The following SNX4 variants were observed in gnomAD, a reference collection of about 807,000 sequenced individuals.
SNX4 encodes the protein sorting nexin 4, also known as sorting nexin-4.
A neutral mutation model predicts 70.8 loss-of-function variants in SNX4; 49 were observed. The observed-to-expected ratio is 0.69, with a 90% CI of 0.55 to 0.88. SNX4 has a LOEUF of 0.88. SNX4 is among the 40% of genes least tolerant of loss of function. The pLI is 0.00. For synonymous variants in SNX4, 206 were observed against 183.8 expected, an observed-to-expected ratio of 1.12 and a Z score of -0.98; for missense variants, 528 against 544.8, an observed-to-expected ratio of 0.97 and a Z score of 0.31.
chr3:125,497,897 G>C lies in SNX4; in HGVS notation c.486C>G (p.Leu162=), dbSNP rs747260288. The change falls in exon 4 of 14, where the codon CTC becomes CTG. Residue 162 remains leucine, a synonymous_variant. Transcript: ENST00000251775. ...GGATGGGATGTGAAGCAATCCTCAAGAGAAAGTTTTCTAAACCAATCCGTC... is the reference window on the plus strand; with the variant it reads ...GGATGGGATGTGAAGCAATCCTCAACAGAAAGTTTTCTAAACCAATCCGTC... The part of the protein sequence containing the change: ...ERRRIGLENF[L]LRIASHPILC... 5.6e-6 allele frequency: 9 copies of C among 1,614,020 alleles called. No individual in the cohort carries two copies. In the East Asian group the frequency reaches 8.9e-5, roughly 16 times the overall value.
chr3:125,515,249 G>T (rs1197692864), intron 1 of SNX4, among the ~76,000 whole-genome samples: 7 of 152,040 alleles, frequency 4.6e-5, no homozygotes, highest in Non-Finnish European at 8.8e-5. Flanking sequence ...CTACTCAGGA[G>T]GCTTGGGCAG....
chr3:125,463,461 G>C (rs1933932130), intron 9 of SNX4, among the ~76,000 whole-genome samples: 1 of 152,086 alleles, frequency 6.6e-6, no homozygotes, highest in Non-Finnish European at 1.5e-5. Context: ...TCAGTACTCA[G>C]AATTTTATTT....
intron 1 of SNX4, 69 bp downstream of exon 1, chr3:125,519,963 A>AGCCCAGCCCAGCCCAGCCCAGCCCC: frequency 1.5e-6 from 1 of 671,488 alleles, no homozygotes; most frequent in Non-Finnish European, 2.1e-6. Context: ...AGCCCAGCCC[A>AGCCCAGCCCAGCCCAGCCCAGCCCC]GCCCAGCCCA....
chr3:125,499,762 T>TAA (rs372624115), intron 2 of SNX4, among the ~76,000 whole-genome samples: 7 of 134,684 alleles, frequency 5.2e-5, no homozygotes, highest in Non-Finnish European at 8.3e-5. Flanking sequence ...CATAAGTGTT[T>TAA]AAAAAAAAAA....
At chr3:125,484,672 T>C (rs1934483427) in intron 6 of SNX4, among the ~76,000 whole-genome samples, 1 of 152,174 alleles carries the variant, frequency 6.6e-6, no homozygotes, top group South Asian at 2.1e-4. Flanking sequence ...TCAAGGCTTT[T>C]TGAGAATGCT....
rs952749715 is a variant in SNX4, at chr3:125,494,289, G to C, written c.597+3052C>G. On this transcript the variant is annotated intron_variant, in intron 5 of 13. Transcript: ENST00000251775. ...TTAATTATATAATTAATAAGCAAGAGAGGTAATATGGGATGGTAATTAAGG... is the reference window on the plus strand; with the variant it reads ...TTAATTATATAATTAATAAGCAAGACAGGTAATATGGGATGGTAATTAAGG... 1.7e-4 allele frequency among the ~76,000 whole-genome samples: 26 copies of C among 152,178 alleles called. 1 individual carries two copies. The highest frequency in any genetic ancestry group is 5.1e-4 in the African/African-American group (21 of 41,500).
At chr3:125,498,563 C>T (rs564392124) in intron 2 of SNX4, among the ~76,000 whole-genome samples, 248 of 152,324 alleles carry the variant, frequency 1.6e-3, no homozygotes, top group Non-Finnish European at 3.0e-3. Flanking sequence ...AAGCCATCCT[C>T]CTGCCTTGGC....
At chr3:125,507,789 T>G (rs962799007) in intron 1 of SNX4, among the ~76,000 whole-genome samples, 1 of 152,042 alleles carries the variant, frequency 6.6e-6, no homozygotes, top group African/African-American at 2.4e-5. Context: ...CCTTCAAAAG[T>G]GTGGGAAAAA....
At chr3:125,518,194 T>C (rs761665446) in intron 1 of SNX4, among the ~76,000 whole-genome samples, 2 of 151,582 alleles carry the variant, frequency 1.3e-5, no homozygotes, top group African/African-American at 4.9e-5. Flanking sequence ...TGTGGTGGTG[T>C]GTACCTGTAA....
chr3:125,460,682 A>T, intron 10 of SNX4, 89 bp downstream of exon 10: 1 of 549,504 alleles, frequency 1.8e-6, no homozygotes, highest in South Asian at 3.3e-5. Context: ...TTCATTTAAA[A>T]AACACTCTAC....
intron 6 of SNX4, among the ~76,000 whole-genome samples, chr3:125,488,495 T>C (rs1934582550): frequency 6.6e-6 from 1 of 151,654 alleles, no homozygotes; most frequent in Non-Finnish European, 1.5e-5. Context: ...AAAATGAAAA[T>C]GAAAAAACTC....
chr3:125,495,100 T>TAA (rs1199513321), intron 5 of SNX4, among the ~76,000 whole-genome samples: 2 of 151,456 alleles, frequency 1.3e-5, no homozygotes, highest in East Asian at 3.9e-4. Context: ...AGTATAGTAG[T>TAA]AAAGTATAGC....
intron 1 of SNX4, among the ~76,000 whole-genome samples, chr3:125,511,371 A>AG (rs1478961063): frequency 1.8e-4 from 28 of 152,174 alleles, no homozygotes; most frequent in African/African-American, 6.5e-4. Flanking sequence ...CAGTTAGCAT[A>AG]ATTTTTTTTT....
chr3:125,472,280 C>T (rs1271981271), intron 8 of SNX4, among the ~76,000 whole-genome samples: 2 of 151,928 alleles, frequency 1.3e-5, no homozygotes, highest in Non-Finnish European at 2.9e-5. Context: ...ATTTTTTTTC[C>T]GATTATGTGG....
chr3:125,517,988 T>A (rs891953443), intron 1 of SNX4, among the ~76,000 whole-genome samples: 27 of 151,190 alleles, frequency 1.8e-4, no homozygotes, highest in Non-Finnish European at 1.0e-4. Context: ...AAAAAAAGAA[T>A]AAAAATGTCA....
chr3:125,493,296 A>C (rs1440730936), intron 5 of SNX4, among the ~76,000 whole-genome samples: 1 of 152,122 alleles, frequency 6.6e-6, no homozygotes, highest in African/African-American at 2.4e-5. Flanking sequence ...AGAAATGTCA[A>C]TAACCAGTAA....
chr3:125,501,929 T>C (rs942709999), intron 2 of SNX4, among the ~76,000 whole-genome samples: 1 of 152,310 alleles, frequency 6.6e-6, no homozygotes, highest in East Asian at 1.9e-4. Flanking sequence ...AAATTAGAAC[T>C]GGGCTACAGA....
intron 1 of SNX4, among the ~76,000 whole-genome samples, chr3:125,505,045 C>T (rs968323735): frequency 3.9e-5 from 6 of 152,346 alleles, no homozygotes; most frequent in Non-Finnish European, 8.8e-5. Context: ...TCTCAGCTCA[C>T]TGCAACCTTC....
At chr3:125,453,500 A>T (rs554820480) in intron 12 of SNX4, among the ~76,000 whole-genome samples, 129 of 97,424 alleles carry the variant, frequency 1.3e-3, no homozygotes, top group Non-Finnish European at 5.2e-4. Flanking sequence ...TTTTATTTTT[A>T]TTTATTTATT....
Sources: gnomAD v4.1 joint callset for allele counts (sites outside exome capture counted in the v4.1 genomes callset) on GRCh38, gnomAD v4.1.1 for gene constraint, MANE v1.5 for transcripts, NCBI Gene and HGNC (gene_info 2026-07-23, HGNC 2026-07-21) for gene names.